The following LAMC1 variants were observed in gnomAD, a reference collection of about 807,000 sequenced individuals.
LAMC1 encodes laminin subunit gamma 1, also known as laminin subunit gamma-1.
Under a neutral mutation model 173.6 loss-of-function variants are expected in LAMC1, and 38 were observed. The observed-to-expected ratio is 0.22, with a 90% CI of 0.17 to 0.29. LAMC1 has a LOEUF of 0.29. LAMC1 is among the 10% of genes least tolerant of loss of function. The pLI, the probability that LAMC1 is intolerant of heterozygous loss-of-function variation, is 1.00. For synonymous variants in LAMC1, 746 were observed against 749.1 expected (o/e 1.00, Z 0.07); for missense variants, 1,824 against 2,051.8 (o/e 0.89, Z 2.14).
intron 27 of LAMC1, among the ~76,000 whole-genome samples, chr1:183,141,818 CTTGGGCAAAT>C (rs1296146322): frequency 2.0e-5 from 3 of 152,144 alleles, no homozygotes; most frequent in Non-Finnish European, 4.4e-5. Context: ...GCTGTGCAAA[CTTGGGCAAAT>C]TATTTAACAT....
At chr1:183,126,522 G>A (rs1656625739) in intron 16 of LAMC1, among the ~76,000 whole-genome samples, 1 of 152,114 alleles carries the variant, frequency 6.6e-6, no homozygotes, top group South Asian at 2.1e-4. Flanking sequence ...TTTTTTCCAA[G>A]GAAGTCTTCC....
intron 1 of LAMC1, among the ~76,000 whole-genome samples, chr1:183,089,647 TA>T (rs1383334619): frequency 1.3e-5 from 2 of 152,152 alleles, no homozygotes; most frequent in Non-Finnish European, 1.5e-5. Context: ...AAGAAGCTTT[TA>T]AAAAAATGAC....
At chr1:183,085,730 A>G (rs922211841) in intron 1 of LAMC1, among the ~76,000 whole-genome samples, 3 of 152,114 alleles carry the variant, frequency 2.0e-5, no homozygotes, top group Non-Finnish European at 4.4e-5. Context: ...TACTGTAGGC[A>G]TTTAGTACTG....
Position 183,125,004 on chromosome 1 carries a change from T to C in LAMC1, c.2647+128T>C, listed in dbSNP as rs542131001. On this transcript the variant is annotated intron_variant, in intron 14 of 27. Transcript: ENST00000258341. ...ATACATTGTGAACCGCTTTTGTCTTTTAAAATTTTCTAGTCACCACATTAA... is the reference window on the plus strand; with the variant it reads ...ATACATTGTGAACCGCTTTTGTCTTCTAAAATTTTCTAGTCACCACATTAA... 4.8e-5 allele frequency: 61 copies of C among 1,282,906 alleles called. No individual in the cohort carries two copies. The African/African-American group carries it at 7.8e-4, about 16-fold the overall frequency. The allele number at this position is 1,282,906 out of a possible 1,614,324, so 79.5% of individuals were successfully genotyped here.
chr1:183,037,609 G>A lies in LAMC1; in HGVS notation c.418+13475G>A, dbSNP rs73051707. On this transcript the variant is annotated intron_variant, in intron 1 of 27. Coordinates refer to ENST00000258341, the MANE Select transcript of LAMC1 (RefSeq NM_002293.4). ...TGATACTATTCACTTTGATGTCTGT[G>A]TATGTGAATTTGCAAATCTGTAAGT... 6.5e-3 allele frequency among the ~76,000 whole-genome samples: 983 copies of A among 152,266 alleles called. 7 individuals carry two copies. Among genetic ancestry groups the A allele is most frequent in the African/African-American group, 0.02 (835 of 41,540 alleles).
chr1:183,124,592 A>G, intron 13 of LAMC1, 39 bp from the exon 14 acceptor site: 4 of 1,612,362 alleles, frequency 2.5e-6, no homozygotes, highest in Non-Finnish European at 3.4e-6. Context: ...AAAATGTCTA[A>G]GGCCTTTCTT....
chr1:183,058,199 TTTATC>T (rs1164335410), intron 1 of LAMC1, among the ~76,000 whole-genome samples: 2 of 152,236 alleles, frequency 1.3e-5, no homozygotes, highest in African/African-American at 4.8e-5. Context: ...ATTTAAGGAT[TTTATC>T]TTAAGCCTGC....
chr1:183,136,507 G>A lies in LAMC1; in HGVS notation c.4236G>A (p.Leu1412=). The change falls in exon 25 of 28, where the codon CTG becomes CTA. Residue 1412 remains leucine, a synonymous_variant. Transcript: ENST00000258341. ...NEKTREAQQA[L]GSAAADATEA... is the part of the protein sequence containing the mutation. ...AGACCAGAGAAGCCCAGCAGGCCCTGGGCAGTGCTGCGGCGGATGCCACAG... is the reference window on the plus strand; with the variant it reads ...AGACCAGAGAAGCCCAGCAGGCCCTAGGCAGTGCTGCGGCGGATGCCACAG... The A allele has an allele frequency of 6.2e-7, 1 of 1,614,194 alleles. No individual in the cohort carries two copies. The highest frequency in any genetic ancestry group is 8.5e-7 in the Non-Finnish European group (1 of 1,180,014).
At chr1:183,129,067 A>ATGCG (rs1377375875) in intron 18 of LAMC1, among the ~76,000 whole-genome samples, 2 of 147,644 alleles carry the variant, frequency 1.4e-5, no homozygotes, top group Non-Finnish European at 3.0e-5. Context: ...CATTAAAGGC[A>ATGCG]TGCGTCTTCA....
chr1:183,136,415 A>T lies in LAMC1; in HGVS notation c.4144A>T (p.Thr1382Ser). 5.6e-6 allele frequency: 9 copies of T among 1,614,196 alleles called. No homozygotes were observed. Among genetic ancestry groups the T allele is most frequent in the Non-Finnish European group, 5.1e-6 (6 of 1,180,030 alleles). The part of the protein sequence containing the change: ...DFDRRVNDNK[T>S]AAEEALRKIP... ...TGATAGGCGTGTGAACGATAACAAG[A>T]CGGCCGCAGAGGAGGCACTAAGGAA... Residue 1382 changes from threonine to serine, a missense_variant, in exon 25 of 28, where the codon ACG becomes TCG. Thr to Ser is a moderately conservative substitution (Grantham distance 58). Transcript: ENST00000258341.
Position 183,117,420 on chromosome 1 carries a change from T to C in LAMC1, c.1665T>C (p.Phe555=). ...TCGCCGTGATCTCAGACAGCTACTT[T>C]CCTCGGTACTTCATTGCTCCTGGTA... ...QDIAVISDSY[F]PRYFIAPAKF... is the part of the protein sequence containing the mutation. The change falls in exon 9 of 28, where the codon TTT becomes TTC. Residue 555 remains phenylalanine (F), a synonymous_variant. Transcript: ENST00000258341. The C allele has an allele frequency of 6.2e-7, 1 of 1,613,822 alleles. No individual in the cohort carries two copies. Among genetic ancestry groups the C allele is most frequent in the Non-Finnish European group, 8.5e-7 (1 of 1,179,698 alleles).
rs1653601555 is a variant in LAMC1, at chr1:183,023,773, C to G, written c.57C>G (p.Pro19=). ...PALRPRGRLW[P]VLAVLAAAAA... ...TGCGGCCCCGGGGGCGGCTCTGGCC[C>G]GTGCTGGCCGTGCTGGCGGCGGCCG... The change falls in exon 1 of 28, where the codon CCC becomes CCG. Residue 19 remains proline, a synonymous_variant. Coordinates refer to ENST00000258341, the MANE Select transcript of LAMC1 (RefSeq NM_002293.4). 9 of 1,430,950 alleles carry G rather than the reference C, an allele frequency of 6.3e-6. No homozygotes were observed. The highest frequency in any genetic ancestry group is 3.1e-5 in the Admixed American group (1 of 32,464). 88.6% of individuals were successfully genotyped at this position (1,430,950 alleles called of 1,614,324 possible).
chr1:183,137,728 T>G lies in LAMC1; in HGVS notation c.4374T>G (p.Asp1458Glu). ...ERTFAEVTDL[D>E]NEVNNMLKQL... ...CTTTTGCAGAAGTTACAGATCTGGA[T>G]AATGAGGTGAACAATATGTTGAAGC... The change falls in exon 26 of 28, where the codon GAT (aspartate) becomes GAG (glutamate). Residue 1458 changes from aspartate (D) to glutamate (E), a missense_variant. Transcript: ENST00000258341. 2.5e-6 allele frequency: 4 copies of G among 1,611,506 alleles called. No individual in the cohort carries two copies. Among genetic ancestry groups the G allele is most frequent in the Non-Finnish European group, 3.4e-6 (4 of 1,178,574 alleles).
intron 1 of LAMC1, among the ~76,000 whole-genome samples, chr1:183,095,877 G>A (rs1655679735): frequency 1.3e-5 from 2 of 152,158 alleles, no homozygotes. Flanking sequence ...TTTATCGTAT[G>A]TTTTGATAAT....
Position 183,115,603 on chromosome 1 carries a change from C to T in LAMC1, c.1294C>T (p.Pro432Ser), listed in dbSNP as rs1382934152. The change falls in exon 6 of 28, where the codon CCT becomes TCT. Residue 432 changes from proline to serine, a missense_variant. Coordinates refer to ENST00000258341, the MANE Select transcript of LAMC1 (RefSeq NM_002293.4). ...GGGGGACAAATGTGACCGTTGCCAGCCTGGATTCCATTCTCTCACTGAAGC... is the reference window on the plus strand; with the variant it reads ...GGGGGACAAATGTGACCGTTGCCAGTCTGGATTCCATTCTCTCACTGAAGC... ...VMGDKCDRCQ[P>S]GFHSLTEAGC... 26 of 1,613,606 alleles carry T rather than the reference C, an allele frequency of 1.6e-5. No homozygotes were observed. The highest frequency in any genetic ancestry group is 2.1e-5 in the Non-Finnish European group (25 of 1,179,656).
chr1:183,142,207 T>A (rs144914263), intron 27 of LAMC1, among the ~76,000 whole-genome samples: 1 of 152,344 alleles, frequency 6.6e-6, no homozygotes, highest in African/African-American at 2.4e-5. Context: ...GAAAAGGTAT[T>A]AAATGTTATC....
chr1:183,038,683 G>A (rs1654047007), intron 1 of LAMC1, among the ~76,000 whole-genome samples: 1 of 152,052 alleles, frequency 6.6e-6, no homozygotes, highest in Admixed American at 6.6e-5. Flanking sequence ...TTCCTGCCCT[G>A]GCATCACGAA....
chr1:183,141,406 G>C (rs1488295455), intron 27 of LAMC1: 1 of 152,234 alleles, frequency 6.6e-6, no homozygotes, highest in Non-Finnish European at 1.5e-5. Context: ...TGAGGGGAAA[G>C]CTTTCATGCC....
intron 1 of LAMC1, among the ~76,000 whole-genome samples, chr1:183,030,261 C>G (rs1037857273): frequency 6.6e-6 from 1 of 152,184 alleles, no homozygotes; most frequent in South Asian, 2.1e-4. Flanking sequence ...TATTTACTAT[C>G]TGGCTCTCAT....
Sources: gnomAD v4.1 joint callset for allele counts (sites outside exome capture counted in the v4.1 genomes callset) on GRCh38, gnomAD v4.1.1 for gene constraint, MANE v1.5 for transcripts, NCBI Gene and HGNC (gene_info 2026-07-23, HGNC 2026-07-21) for gene names.